ADCY9: variants seen among roughly 807,000 people sequenced by gnomAD.
The protein encoded by ADCY9 is adenylate cyclase 9.
A neutral mutation model predicts 101.5 loss-of-function variants in ADCY9; 50 were observed. The ratio of observed to expected loss-of-function variants is 0.49; its 90% CI spans 0.39 to 0.62. The LOEUF (loss-of-function observed/expected upper bound fraction) is 0.62, where lower values mean the gene tolerates loss of function less well. Among genes scored for constraint, ADCY9 ranks in the 20% least tolerant of loss-of-function variants. ADCY9 has a pLI of 0.00. For synonymous variants in ADCY9, 905 were observed against 769.3 expected (o/e 1.18, Z -2.92); for missense variants, 1,662 against 1,800.4 (o/e 0.92, Z 1.39).
At chr16:4,079,830 C>G (rs1048876268) in intron 2 of ADCY9, among the ~76,000 whole-genome samples, 2 of 151,962 alleles carry the variant, frequency 1.3e-5, no homozygotes, top group Non-Finnish European at 2.9e-5. Context: ...TTGAAACATT[C>G]AAAATGGCTA....
chr16:3,965,984 CA>C lies in ADCY9; in HGVS notation c.3852del (p.Val1285SerfsTer44). On this transcript the variant is annotated frameshift_variant, in exon 11 of 11. Coordinates refer to ENST00000294016, the MANE Select transcript of ADCY9 (RefSeq NM_001116.4). LOFTEE classifies it low-confidence loss of function (END_TRUNC). Reference sequence around the variant, plus strand: ...AGAGATGTCTTGTCCACATACTGGACAGAAGGCACCAGGTTGGCAATCTCGT... The same window carrying C: ...AGAGATGTCTTGTCCACATACTGGACGAAGGCACCAGGTTGGCAATCTCGT... The part of the protein sequence containing the change: ...PTDEIANLVP[S>X]VQYVDKTSLG... 4 of 1,614,214 alleles carry C rather than the reference CA, an allele frequency of 2.5e-6. No homozygotes were observed. The highest frequency in any genetic ancestry group is 3.4e-6 in the Non-Finnish European group (4 of 1,180,050).
At chr16:4,091,102 C>G (rs1363954634) in intron 2 of ADCY9, among the ~76,000 whole-genome samples, 3 of 151,220 alleles carry the variant, frequency 2.0e-5, no homozygotes, top group African/African-American at 7.4e-5. Flanking sequence ...GAGACAGAGT[C>G]TCACTCTGTC....
chr16:4,018,214 CTTTTTT>C (rs771932084), intron 2 of ADCY9, among the ~76,000 whole-genome samples: 6 of 141,386 alleles, frequency 4.2e-5, no homozygotes, highest in Non-Finnish European at 6.2e-5. Flanking sequence ...ATATTCTTCT[CTTTTTT>C]TTTTTTTTTT....
chr16:4,110,003 C>T (rs2057103255), intron 2 of ADCY9, among the ~76,000 whole-genome samples: 1 of 152,178 alleles, frequency 6.6e-6, no homozygotes, highest in Non-Finnish European at 1.5e-5. Context: ...ATACCCACCT[C>T]TCCGCTCTGC....
chr16:3,994,779 T>C (rs1434308714), intron 3 of ADCY9, among the ~76,000 whole-genome samples: 4 of 152,166 alleles, frequency 2.6e-5, no homozygotes, highest in Non-Finnish European at 4.4e-5. Flanking sequence ...TTTTATAGTA[T>C]GTGAATTATA....
intron 10 of ADCY9, 43 bp from the exon 11 acceptor site, chr16:3,967,009 C>G: frequency 6.5e-7 from 1 of 1,531,606 alleles, no homozygotes; most frequent in South Asian, 1.2e-5. Flanking sequence ...TACTGCTCGG[C>G]GCTTCCAAGC....
rs189739124 is a variant in ADCY9 at position 3,963,182 on chromosome 16, A to G, written c.*2593T>C. 4.3e-5 allele frequency: 15 copies of G among 347,516 alleles called. No homozygotes were observed. Among genetic ancestry groups the G allele is most frequent in the Non-Finnish European group, 6.6e-5 (13 of 197,916 alleles). 21.5% of individuals were successfully genotyped at this position (347,516 alleles called of 1,614,324 possible). Reference sequence around the variant, plus strand: ...GATCTGAGCTGGGACTGAGAAGAAAATAGCAATTGCAACTCAAAGCAACTA... The same window carrying G: ...GATCTGAGCTGGGACTGAGAAGAAAGTAGCAATTGCAACTCAAAGCAACTA... On this transcript the variant is annotated 3_prime_UTR_variant, in exon 11 of 11. Transcript: ENST00000294016.
intron 2 of ADCY9, among the ~76,000 whole-genome samples, chr16:4,051,481 G>C (rs1223157552): frequency 6.6e-6 from 1 of 150,554 alleles, no homozygotes; most frequent in South Asian, 2.1e-4. Context: ...CAGAGATCAC[G>C]CCACTGAACT....
chr16:4,096,100 A>C (rs8056526), intron 2 of ADCY9, among the ~76,000 whole-genome samples: 17,815 of 152,118 alleles, frequency 0.12, 1,566 homozygotes, highest in East Asian at 0.44. Flanking sequence ...TTACGTATTT[A>C]TATTTAAAGG....
At chr16:4,002,351 G>C (rs1407744814) in intron 3 of ADCY9, among the ~76,000 whole-genome samples, 1 of 152,116 alleles carries the variant, frequency 6.6e-6, no homozygotes, top group Non-Finnish European at 1.5e-5. Flanking sequence ...TTGACACATA[G>C]AAAACAAGTA....
intron 2 of ADCY9, among the ~76,000 whole-genome samples, chr16:4,098,437 T>C (rs1357490720): frequency 6.6e-6 from 1 of 152,108 alleles, no homozygotes; most frequent in Non-Finnish European, 1.5e-5. Flanking sequence ...TTTCACCATG[T>C]TGGCCAGGTT....
chr16:4,090,620 C>T (rs1168767015), intron 2 of ADCY9, among the ~76,000 whole-genome samples: 4 of 151,938 alleles, frequency 2.6e-5, no homozygotes, highest in East Asian at 1.9e-4. Context: ...CTCGACCCCA[C>T]GGAAACCAGA....
At chr16:3,984,706 G>A (rs1712707410) in intron 6 of ADCY9, among the ~76,000 whole-genome samples, 1 of 152,240 alleles carries the variant, frequency 6.6e-6, no homozygotes, top group South Asian at 2.1e-4. Context: ...AAGGGATGTA[G>A]CCAGTTCAGC....
chr16:4,050,765 T>A (rs2056696125), intron 2 of ADCY9, among the ~76,000 whole-genome samples: 1 of 150,454 alleles, frequency 6.6e-6, no homozygotes. Flanking sequence ...TGAGAAGTCC[T>A]TGTAGCCGTA....
Position 3,964,244 on chromosome 16 carries a change from A to G in ADCY9, c.*1531T>C, listed in dbSNP as rs2531993. ...CAAGGAGTGCACCCTGGGCCTCATC[A>G]GCGTCCCGGGGTCCCCTGAAAGACT... On this transcript the variant is annotated 3_prime_UTR_variant, in exon 11 of 11. Coordinates refer to ENST00000294016, the MANE Select transcript of ADCY9 (RefSeq NM_001116.4). 0.8 allele frequency: 121,251 copies of G among 152,198 alleles called. 48,813 individuals are homozygous for G. Among genetic ancestry groups the G allele is most frequent in the Non-Finnish European group, 0.85 (58,065 of 68,034 alleles). The allele number at this position is 152,198 out of a possible 1,614,324, so 9.4% of individuals were successfully genotyped here.
intron 2 of ADCY9, among the ~76,000 whole-genome samples, chr16:4,020,240 A>G (rs1421876148): frequency 6.6e-6 from 1 of 152,224 alleles, no homozygotes; most frequent in African/African-American, 2.4e-5. Flanking sequence ...GATTTCAATT[A>G]TAATTTAAAT....
intron 2 of ADCY9, among the ~76,000 whole-genome samples, chr16:4,033,373 A>G (rs1163640772): frequency 6.6e-6 from 1 of 151,848 alleles, no homozygotes; most frequent in African/African-American, 2.4e-5. Flanking sequence ...TTCCAAATGG[A>G]GGCCAAATTC....
At chr16:3,967,696 C>CTTTT (rs35803770) in intron 10 of ADCY9, among the ~76,000 whole-genome samples, 84 of 129,572 alleles carry the variant, frequency 6.5e-4, no homozygotes, top group African/African-American at 2.2e-3. Context: ...GGCCTAACAT[C>CTTTT]TTTTTTTTTT....
intron 2 of ADCY9, among the ~76,000 whole-genome samples, chr16:4,074,375 C>A (rs748570800): frequency 6.6e-6 from 1 of 151,296 alleles, no homozygotes; most frequent in Admixed American, 6.6e-5. Flanking sequence ...AGAAATAAAT[C>A]GATAGAAGAG....
Sources: gnomAD v4.1 joint callset for allele counts (sites outside exome capture counted in the v4.1 genomes callset) on GRCh38, gnomAD v4.1.1 for gene constraint, MANE v1.5 for transcripts, NCBI Gene and HGNC (gene_info 2026-07-23, HGNC 2026-07-21) for gene names.